Variants in AAK1 observed in about 807,000 individuals in gnomAD.
AAK1 encodes AP2 associated kinase 1.
AAK1 carries 37 observed loss-of-function variants against 116.0 expected under a neutral mutation model. That is an observed-to-expected ratio of 0.32 (90% CI 0.25 to 0.42). AAK1 has a LOEUF of 0.42. AAK1 is among the 10% of genes least tolerant of loss of function. The probability of loss-of-function intolerance (pLI) is 1.00; values close to 1 mark genes in which losing one functional copy is unlikely to be tolerated. For synonymous variants in AAK1, 458 were observed against 439.9 expected (o/e 1.04, Z -0.51); for missense variants, 919 against 1,170.6 (o/e 0.79, Z 3.14).
Position 69,458,500 on chromosome 2 carries a change from T to C in AAK1, c.*17369A>G, listed in dbSNP as rs1235290335. ...TTTCATCCTTGTGGATAAGAAGATG[T>C]GTACTTGGGAACAAGGCTAAAGCCA... On this transcript the variant is annotated 3_prime_UTR_variant, in exon 22 of 22. Coordinates refer to ENST00000409085, the MANE Select transcript of AAK1 (RefSeq NM_014911.5). The C allele has an allele frequency of 6.6e-6, 1 of 152,666 alleles. No individual in the cohort carries two copies. Among genetic ancestry groups the C allele is most frequent in the Non-Finnish European group, 1.5e-5 (1 of 68,042 alleles). 9.5% of individuals were successfully genotyped at this position (152,666 alleles called of 1,614,324 possible). A position where few individuals can be genotyped will look rare whatever the true frequency, so the allele number is the denominator to read the frequency against.
chr2:69,601,378 C>T lies in AAK1; in HGVS notation c.163+41500G>A, dbSNP rs552708214. On this transcript the variant is annotated intron_variant, in intron 2 of 21. Transcript: ENST00000409085. The stretch of plus-strand genomic sequence containing the variant: ...GATAAGATAAGTCTGTAGCCAGAAG[C>T]GATGCTTGTTTATAGGTGATTCAGC... Among the ~76,000 whole-genome samples, 5 of 152,286 alleles carry T rather than the reference C, an allele frequency of 3.3e-5. No homozygotes were observed. The South Asian group carries it at 8.3e-4, about 25-fold the overall frequency.
chr2:69,512,241 C>G (rs116176314), intron 13 of AAK1, among the ~76,000 whole-genome samples: 236 of 152,256 alleles, frequency 1.6e-3, no homozygotes, highest in African/African-American at 3.7e-3. Flanking sequence ...ATAATCACAT[C>G]AAGAAATGTA....
intron 2 of AAK1, among the ~76,000 whole-genome samples, chr2:69,633,547 G>T (rs550572411): frequency 6.6e-6 from 1 of 150,584 alleles, no homozygotes; most frequent in Admixed American, 6.6e-5. Flanking sequence ...GTTGCAGTGA[G>T]CCAAGATCGC....
rs1269158040 is a variant in AAK1 at position 69,465,083 on chromosome 2, G to A, written c.*10786C>T. The A allele has an allele frequency of 5.1e-6, 1 of 194,632 alleles. No individual in the cohort carries two copies. The highest frequency in any genetic ancestry group is 2.4e-5 in the African/African-American group (1 of 41,866). The allele number at this position is 194,632 out of a possible 1,614,324, so 12.1% of individuals were successfully genotyped here. ...AATAGGGCCCCTTTGGGATTGGGGT[G>A]AAGAAGTATTTCAGGATTTAAACAG... On this transcript the variant is annotated 3_prime_UTR_variant, in exon 22 of 22. Transcript: ENST00000409085.
intron 12 of AAK1, among the ~76,000 whole-genome samples, chr2:69,518,556 C>A (rs919452433): frequency 6.6e-6 from 1 of 151,612 alleles, no homozygotes. Flanking sequence ...GTAGCTGGGA[C>A]GACAGGCTTG....
At position 69,530,654 on chromosome 2, in the gene AAK1, T is replaced by C. The variant is rs1670217973; in HGVS notation, c.709A>G (p.Lys237Glu). 11 of 1,613,798 alleles carry C rather than the reference T, an allele frequency of 6.8e-6. No individual in the cohort carries two copies. Among genetic ancestry groups the C allele is most frequent in the Non-Finnish European group, 8.5e-6 (10 of 1,179,726 alleles). ...APEMVNLYSGKIITTKADIWA... is the reference protein window; with the variant it reads ...APEMVNLYSGEIITTKADIWA... ...ATGTCTGCCTTCGTAGTGATGATTTTGCCACTGTACAGGTTGACCATTTCT... is the reference window on the plus strand; with the variant it reads ...ATGTCTGCCTTCGTAGTGATGATTTCGCCACTGTACAGGTTGACCATTTCT... Residue 237 changes from lysine to glutamate, a missense_variant, in exon 7 of 22, where the codon AAA (lysine) becomes GAA (glutamate). Around this residue, in one of 4 missense-constraint regions of AAK1, gnomAD observed 317 missense variants for 490.4 expected, o/e 0.65. Transcript: ENST00000409085.
chr2:69,471,103 T>C lies in AAK1; in HGVS notation c.*4766A>G. 1 of 985,786 alleles carries C rather than the reference T, an allele frequency of 1.0e-6. No homozygotes were observed. The highest frequency in any genetic ancestry group is 1.2e-6 in the Non-Finnish European group (1 of 829,936). The allele number at this position is 985,786 out of a possible 1,614,324, so 61.1% of individuals were successfully genotyped here. On this transcript the variant is annotated 3_prime_UTR_variant, in exon 22 of 22. Transcript: ENST00000409085. ...GGAAGGACGCGTTAAAGACCTATGA[T>C]AAACACACATCCACATGACAAAGGA...
intron 2 of AAK1, among the ~76,000 whole-genome samples, chr2:69,570,371 C>G (rs1017276321): frequency 1.3e-5 from 2 of 151,838 alleles, no homozygotes; most frequent in Non-Finnish European, 2.9e-5. Context: ...GCCAGTCACC[C>G]AAATTTTCAG....
rs1676508615 is a variant in AAK1 at position 69,514,537 on chromosome 2, T to A, written c.1710A>T (p.Ala570=). 4.5e-6 allele frequency: 7 copies of A among 1,552,568 alleles called. No homozygotes were observed. In the East Asian group the frequency reaches 1.7e-4, roughly 38 times the overall value. Residue 570 remains alanine, a synonymous_variant, in exon 13 of 22, where the codon GCA becomes GCT. Coordinates refer to ENST00000409085, the MANE Select transcript of AAK1 (RefSeq NM_014911.5). The part of the protein sequence containing the change: ...QAALQQKPTM[A]AGQQPQPQPA... ...GCTGTGGCTGGGGCTGCTGTCCTGC[T>A]GCCATAGTGGGCTTTTGCTGCAAGG...
At chr2:69,627,582 A>G (rs1234977047) in intron 2 of AAK1, among the ~76,000 whole-genome samples, 2 of 152,242 alleles carry the variant, frequency 1.3e-5, no homozygotes, top group African/African-American at 4.8e-5. Flanking sequence ...TATGCTCAAA[A>G]AAGATGAACA....
intron 2 of AAK1, among the ~76,000 whole-genome samples, chr2:69,638,343 TG>T (rs1260776788): frequency 2.0e-5 from 3 of 152,236 alleles, no homozygotes; most frequent in Non-Finnish European, 4.4e-5. Flanking sequence ...CTTCCCTGCC[TG>T]CTTTTGCTTA....
Position 69,465,653 on chromosome 2 carries a change from T to A in AAK1, c.*10216A>T. On this transcript the variant is annotated 3_prime_UTR_variant, in exon 22 of 22. Coordinates refer to ENST00000409085, the MANE Select transcript of AAK1 (RefSeq NM_014911.5). Reference sequence around the variant, plus strand: ...ACTTGGATAAGGACTGGGGGCGGAATGGTTTGCCAGCCATGGGGCCTGAGA... The same window carrying A: ...ACTTGGATAAGGACTGGGGGCGGAAAGGTTTGCCAGCCATGGGGCCTGAGA... 1 of 1,290,868 alleles carries A rather than the reference T, an allele frequency of 7.7e-7. No homozygotes were observed. Among genetic ancestry groups the A allele is most frequent in the Non-Finnish European group, 1.0e-6 (1 of 988,864 alleles). The allele number at this position is 1,290,868 out of a possible 1,614,324, so 80.0% of individuals were successfully genotyped here.
intron 4 of AAK1, 140 bp from the exon 5 acceptor site, chr2:69,542,805 A>T: frequency 3.2e-6 from 3 of 944,680 alleles, no homozygotes; most frequent in South Asian, 4.1e-5. Flanking sequence ...CAGGATTAAA[A>T]CCTAGTTGTC....
At chr2:69,568,954 T>G (rs976538345) in intron 2 of AAK1, among the ~76,000 whole-genome samples, 3 of 152,120 alleles carry the variant, frequency 2.0e-5, no homozygotes, top group African/African-American at 7.2e-5. Flanking sequence ...CTCCCACCAT[T>G]GCCAAGTTGA....
At chr2:69,478,817 C>G (rs748570107) in intron 20 of AAK1, 134 bp downstream of exon 20, 32 of 690,292 alleles carry the variant, frequency 4.6e-5, no homozygotes, top group Middle Eastern at 2.4e-4. Flanking sequence ...CTAGGAGATA[C>G]TCAAGTTTTC....
At chr2:69,566,933 T>C (rs533924285) in intron 2 of AAK1, among the ~76,000 whole-genome samples, 1 of 152,126 alleles carries the variant, frequency 6.6e-6, no homozygotes, top group East Asian at 1.9e-4. Flanking sequence ...ATCTGGCAAA[T>C]GTAGAGAGAT....
chr2:69,509,803 A>C (rs1676322596), intron 13 of AAK1, among the ~76,000 whole-genome samples: 1 of 152,220 alleles, frequency 6.6e-6, no homozygotes, highest in African/African-American at 2.4e-5. Context: ...TTTATCATAA[A>C]GGACCACTTT....
chr2:69,530,689 T>C lies in AAK1; in HGVS notation c.674A>G (p.Tyr225Cys). The C allele has an allele frequency of 6.2e-7, 1 of 1,613,316 alleles. No homozygotes were observed. The highest frequency in any genetic ancestry group is 8.5e-7 in the Non-Finnish European group (1 of 1,179,288). Residue 225 changes from tyrosine to cysteine, a missense_variant, in exon 7 of 22, where the codon TAT becomes TGT. By Grantham distance (194) the Tyr-to-Cys change is radical (BLOSUM62 -2). Coordinates refer to ENST00000409085, the MANE Select transcript of AAK1 (RefSeq NM_014911.5). Reference sequence around the variant, plus strand: ...CAGGTTGACCATTTCTGGTGCTCGATAGGACAGCGTTGTGTATCTACAATC... The same window carrying C: ...CAGGTTGACCATTTCTGGTGCTCGACAGGACAGCGTTGTGTATCTACAATC... ...DEIKKYTTLS[Y>C]RAPEMVNLYS...
chr2:69,570,477 A>G (rs564610913), intron 2 of AAK1, among the ~76,000 whole-genome samples: 9 of 152,152 alleles, frequency 5.9e-5, no homozygotes, highest in Non-Finnish European at 1.0e-4. Flanking sequence ...TAGACAGACA[A>G]GGCAAAGAGG....
Sources: gnomAD v4.1 joint callset for allele counts (sites outside exome capture counted in the v4.1 genomes callset) on GRCh38, gnomAD v4.1.1 for gene constraint, gnomAD v4.1.1 regional missense constraint, MANE v1.5 for transcripts, NCBI Gene and HGNC (gene_info 2026-07-23, HGNC 2026-07-21) for gene names.